Variants in PPFIBP1 observed in about 807,000 individuals in gnomAD.
The protein encoded by PPFIBP1 is liprin-beta-1.
In PPFIBP1, 112 loss-of-function variants were observed where a neutral mutation model predicts 137.8. That is an observed-to-expected ratio of 0.81 (90% CI 0.70 to 0.95). PPFIBP1 has a LOEUF of 0.95. PPFIBP1 is among the 40% of genes least tolerant of loss of function. The pLI, the probability that PPFIBP1 is intolerant of heterozygous loss-of-function variation, is 0.00. For missense variants in PPFIBP1, 1,083 were observed against 1,196.6 expected (o/e 0.91, Z 1.40); for synonymous variants, 378 against 417.3 (o/e 0.91, Z 1.15).
At chr12:27,592,399 A>G in intron 2 of PPFIBP1, 2 of 619,258 alleles carry the variant, frequency 3.2e-6, no homozygotes, top group Non-Finnish European at 5.5e-6. Flanking sequence ...ATTGGGGATT[A>G]TCAGTGGAAT....
At chr12:27,574,258 A>G (rs1353345599) in intron 1 of PPFIBP1, among the ~76,000 whole-genome samples, 1 of 152,110 alleles carries the variant, frequency 6.6e-6, no homozygotes, top group African/African-American at 2.4e-5. Context: ...TTGCCAGGCT[A>G]TGAGAACAAT....
intron 1 of PPFIBP1, among the ~76,000 whole-genome samples, chr12:27,529,381 A>C (rs1021246553): frequency 2.0e-5 from 3 of 152,196 alleles, no homozygotes; most frequent in African/African-American, 7.2e-5. Context: ...GGCTTTTTTC[A>C]GTGGCAAGTC....
At chr12:27,655,245 A>G in intron 8 of PPFIBP1, 1 of 1,501,394 alleles carries the variant, frequency 6.7e-7, no homozygotes. Flanking sequence ...GGTGTAGTAG[A>G]CGTTGGGTGA....
chr12:27,666,568 T>TA (rs910351356), intron 12 of PPFIBP1, among the ~76,000 whole-genome samples: 2 of 151,792 alleles, frequency 1.3e-5, no homozygotes, highest in Non-Finnish European at 2.9e-5. Context: ...TCTAGAGATG[T>TA]AAAAAAAAAT....
intron 7 of PPFIBP1, among the ~76,000 whole-genome samples, chr12:27,653,917 C>T (rs376631060): frequency 6.6e-6 from 1 of 152,076 alleles, no homozygotes; most frequent in East Asian, 1.9e-4. Context: ...ACTGCAGGGC[C>T]CTCATCCACT....
At chr12:27,592,508 C>T in intron 2 of PPFIBP1, 1 of 1,204,186 alleles carries the variant, frequency 8.3e-7, no homozygotes. Flanking sequence ...ATTCTCTTGC[C>T]TCTGTGAAAG....
intron 2 of PPFIBP1, among the ~76,000 whole-genome samples, chr12:27,603,537 C>T (rs1276827281): frequency 1.3e-5 from 2 of 152,152 alleles, no homozygotes; most frequent in Admixed American, 6.5e-5. Flanking sequence ...CTGACTATCT[C>T]CCCCACTGGA....
At chr12:27,661,997 T>G (rs2059583206) in intron 11 of PPFIBP1, among the ~76,000 whole-genome samples, 1 of 152,150 alleles carries the variant, frequency 6.6e-6, no homozygotes, top group Non-Finnish European at 1.5e-5. Flanking sequence ...TTGTTTTCAT[T>G]TCTGTCCCTC....
intron 1 of PPFIBP1, among the ~76,000 whole-genome samples, chr12:27,555,994 A>G (rs1359952857): frequency 1.3e-5 from 2 of 152,246 alleles, no homozygotes; most frequent in African/African-American, 2.4e-5. Flanking sequence ...AGTAATGAAT[A>G]CAGAATATTT....
At chr12:27,567,843 A>G (rs1400261840) in intron 1 of PPFIBP1, among the ~76,000 whole-genome samples, 1 of 152,160 alleles carries the variant, frequency 6.6e-6, no homozygotes, top group African/African-American at 2.4e-5. Context: ...TATTGTCGGG[A>G]CACTGATTGA....
chr12:27,605,810 T>C (rs1352687954), intron 2 of PPFIBP1, among the ~76,000 whole-genome samples: 1 of 152,138 alleles, frequency 6.6e-6, no homozygotes, highest in African/African-American at 2.4e-5. Context: ...GTATATCAAT[T>C]TTTAAAAAAT....
intron 1 of PPFIBP1, among the ~76,000 whole-genome samples, chr12:27,565,314 A>G (rs953507357): frequency 6.6e-6 from 1 of 152,258 alleles, no homozygotes. Flanking sequence ...AGCTGGGCTC[A>G]GTATTGCCCC....
intron 2 of PPFIBP1, among the ~76,000 whole-genome samples, chr12:27,605,245 A>G (rs1338007827): frequency 1.3e-5 from 2 of 152,210 alleles, no homozygotes; most frequent in Non-Finnish European, 2.9e-5. Flanking sequence ...AAAAATTATA[A>G]AAACAATACA....
chr12:27,656,526 C>T (rs1226352922), intron 8 of PPFIBP1, 90 bp from the exon 9 acceptor site: 1 of 798,272 alleles, frequency 1.3e-6, no homozygotes, highest in African/African-American at 1.7e-5. Flanking sequence ...ATTCATAAAA[C>T]CTGATTATTG....
At chr12:27,581,981 CGTAT>C (rs2051170519) in intron 2 of PPFIBP1, among the ~76,000 whole-genome samples, 1 of 142,656 alleles carries the variant, frequency 7.0e-6, no homozygotes, top group Non-Finnish European at 1.5e-5. Flanking sequence ...TGTGTGTGTA[CGTAT>C]GTGTGTGTGT....
intron 15 of PPFIBP1, 78 bp downstream of exon 15, chr12:27,672,561 A>G: frequency 1.9e-6 from 2 of 1,064,082 alleles, no homozygotes; most frequent in Non-Finnish European, 2.8e-6. Flanking sequence ...ACAATTACTA[A>G]TATTAACAGC....
chr12:27,556,587 T>G (rs937920403), intron 1 of PPFIBP1, among the ~76,000 whole-genome samples: 1 of 152,202 alleles, frequency 6.6e-6, no homozygotes, highest in Admixed American at 6.5e-5. Context: ...ATTGGGAAAG[T>G]TGTCAGTTAC....
intron 17 of PPFIBP1, among the ~76,000 whole-genome samples, chr12:27,674,898 G>C (rs936655349): frequency 2.1e-5 from 3 of 139,938 alleles, no homozygotes; most frequent in Non-Finnish European, 4.5e-5. Context: ...CTGTAGCCTC[G>C]ATTTCCTGGG....
rs2059912607 is a variant in PPFIBP1, at chr12:27,667,230, G to C, written c.1056G>C (p.Gln352His). ...SSSISSLLDAQGFSDLEKSPS... is the reference protein window; with the variant it reads ...SSSISSLLDAHGFSDLEKSPS... ...CCATCTCCTCTTTGCTGGATGCACA[G>C]GGTTTCAGTGATCTGGAGAAAAGTC... Residue 352 changes from glutamine (Q) to histidine (H), a missense_variant, in exon 13 of 30, where the codon CAG (glutamine) becomes CAC (histidine). By Grantham distance (24) the Gln-to-His change is conservative. Coordinates refer to ENST00000228425, the MANE Select transcript of PPFIBP1 (RefSeq NM_003622.4). 1 of 1,613,636 alleles carries C rather than the reference G, an allele frequency of 6.2e-7. No homozygotes were observed. The highest frequency in any genetic ancestry group is 8.5e-7 in the Non-Finnish European group (1 of 1,179,792).
Sources: allele counts gnomAD v4.1 joint callset (sites outside exome capture counted in the v4.1 genomes callset), GRCh38; gene constraint gnomAD v4.1.1; transcripts MANE v1.5; gene names NCBI Gene and HGNC (gene_info 2026-07-23, HGNC 2026-07-21).